The following ZBBX variants were observed in gnomAD, a reference collection of about 807,000 sequenced individuals.
ZBBX encodes the protein zinc finger B-box domain-containing protein 1.
In ZBBX, 101 loss-of-function variants were observed where a neutral mutation model predicts 108.5. The ratio of observed to expected loss-of-function variants is 0.93; its 90% CI spans 0.79 to 1.10. The LOEUF (loss-of-function observed/expected upper bound fraction) is 1.10, where lower values mean the gene tolerates loss of function less well. ZBBX is among the 50% of genes least tolerant of loss of function. The pLI is 0.00. For synonymous variants in ZBBX, 356 were observed against 323.4 expected (o/e 1.10, Z -1.08); for missense variants, 1,009 against 941.4 (o/e 1.07, Z -0.94).
rs543195110 is a variant in ZBBX, at chr3:167,239,982, A to G, written c.*811T>C. 2.0e-5 allele frequency among the ~76,000 whole-genome samples: 3 copies of G among 152,154 alleles called. No homozygotes were observed. The highest frequency in any genetic ancestry group is 7.2e-5 in the African/African-American group (3 of 41,538). ...AGAGAAGTCCTGAGCAAAAGGGGGG[A>G]CAGCCCCTTATAAAACCATCAGATC... On this transcript the variant is annotated 3_prime_UTR_variant, in exon 22 of 22. Coordinates refer to ENST00000675490, the MANE Select transcript of ZBBX (RefSeq NM_001199201.2).
chr3:167,265,620 T>TCACTGAC (rs1186496885), intron 20 of ZBBX, among the ~76,000 whole-genome samples: 2 of 152,190 alleles, frequency 1.3e-5, no homozygotes, highest in African/African-American at 4.8e-5. Flanking sequence ...CCATGCTTGT[T>TCACTGAC]CACTGACTCT....
At chr3:167,236,480 C>T (rs1199950322), downstream of ZBBX, among the ~76,000 whole-genome samples, 1 of 151,796 alleles carries the variant, frequency 6.6e-6, no homozygotes, top group Non-Finnish European at 1.5e-5. Context: ...ATTTGATTTT[C>T]AACAACGTTC....
intron 1 of ZBBX, among the ~76,000 whole-genome samples, chr3:167,404,983 T>A (rs922590375): frequency 2.0e-5 from 3 of 152,078 alleles, no homozygotes; most frequent in African/African-American, 7.2e-5. Context: ...TAGAAACTGG[T>A]CACTTAGATG....
chr3:167,398,284 A>G (rs995512933), intron 1 of ZBBX, among the ~76,000 whole-genome samples: 13 of 152,068 alleles, frequency 8.5e-5, no homozygotes, highest in African/African-American at 3.1e-4. Flanking sequence ...AGATAACTTG[A>G]CTTTAACTGT....
At chr3:167,259,650 C>T (rs1477574614) in intron 20 of ZBBX, among the ~76,000 whole-genome samples, 2 of 151,936 alleles carry the variant, frequency 1.3e-5, no homozygotes, top group Non-Finnish European at 2.9e-5. Context: ...TTTGCCTTAC[C>T]CCAGAGGTTT....
chr3:167,234,975 C>T (rs1008981237), downstream of ZBBX, among the ~76,000 whole-genome samples: 1 of 151,638 alleles, frequency 6.6e-6, no homozygotes, highest in Admixed American at 6.6e-5. Context: ...AAATAACCAA[C>T]AAAACAAATT....
chr3:167,213,765 A>T, the ZBBX span, among the ~76,000 whole-genome samples: 1 of 152,182 alleles, frequency 6.6e-6, no homozygotes. Context: ...AAAGAATGTT[A>T]TAAAGGCAGC....
chr3:167,391,878 A>C (rs898456506), intron 1 of ZBBX, among the ~76,000 whole-genome samples: 1 of 151,560 alleles, frequency 6.6e-6, no homozygotes, highest in African/African-American at 2.4e-5. Context: ...TCAAGTAAAT[A>C]TATATATAAA....
chr3:167,285,981 G>C (rs1729625226), intron 19 of ZBBX, among the ~76,000 whole-genome samples: 1 of 152,136 alleles, frequency 6.6e-6, no homozygotes, highest in African/African-American at 2.4e-5. Flanking sequence ...ATAAGATGAT[G>C]TTAAATAGTG....
intron 12 of ZBBX, among the ~76,000 whole-genome samples, chr3:167,320,631 T>G (rs983650233): frequency 1.3e-5 from 2 of 151,956 alleles, no homozygotes; most frequent in Non-Finnish European, 2.9e-5. Context: ...TATTTATCAA[T>G]TATAAAGGGA....
intron 1 of ZBBX, among the ~76,000 whole-genome samples, chr3:167,396,258 T>C (rs1748232624): frequency 6.6e-6 from 1 of 152,054 alleles, no homozygotes; most frequent in Non-Finnish European, 1.5e-5. Context: ...CAGCTACTCC[T>C]ACCTGGGTTC....
intron 14 of ZBBX, among the ~76,000 whole-genome samples, chr3:167,316,201 T>G (rs1329905502): frequency 2.0e-5 from 3 of 152,104 alleles, no homozygotes; most frequent in Non-Finnish European, 4.4e-5. Flanking sequence ...ATGTAGTGTG[T>G]GTGTTTTTGT....
chr3:167,262,158 G>T (rs1036561066), intron 20 of ZBBX, among the ~76,000 whole-genome samples: 4 of 151,800 alleles, frequency 2.6e-5, no homozygotes, highest in Non-Finnish European at 4.4e-5. Flanking sequence ...TGGAAGAGGG[G>T]GTCTCTCTTT....
chr3:167,301,255 A>G (rs1211279627), intron 17 of ZBBX, among the ~76,000 whole-genome samples: 1 of 152,224 alleles, frequency 6.6e-6, no homozygotes, highest in Non-Finnish European at 1.5e-5. Flanking sequence ...TATTGGTGCT[A>G]TGTAAGTCAC....
At chr3:167,223,741 C>G in the ZBBX span, among the ~76,000 whole-genome samples, 1 of 151,818 alleles carries the variant, frequency 6.6e-6, no homozygotes, top group African/African-American at 2.4e-5. Flanking sequence ...TATGTTTTTT[C>G]TGGTCCAGGT....
intron 1 of ZBBX, among the ~76,000 whole-genome samples, chr3:167,385,981 T>C (rs1747910822): frequency 6.6e-6 from 1 of 152,040 alleles, no homozygotes; most frequent in Non-Finnish European, 1.5e-5. Flanking sequence ...TTGGCAGCCA[T>C]GTTTCATTAT....
the ZBBX span, among the ~76,000 whole-genome samples, chr3:167,184,650 C>T: frequency 6.6e-6 from 1 of 152,156 alleles, no homozygotes; most frequent in Non-Finnish European, 1.5e-5. Context: ...AGATCCATCT[C>T]TGCTACCCAG....
At chr3:167,222,331 A>G in the ZBBX span, among the ~76,000 whole-genome samples, 2 of 151,924 alleles carry the variant, frequency 1.3e-5, no homozygotes, top group African/African-American at 4.8e-5. Context: ...TCTTATGTTC[A>G]CACTTATTTA....
At chr3:167,377,854 T>C (rs940373383) in intron 2 of ZBBX, among the ~76,000 whole-genome samples, 1 of 152,136 alleles carries the variant, frequency 6.6e-6, no homozygotes, top group Non-Finnish European at 1.5e-5. Context: ...CACCCAAATC[T>C]CATCTTGAAT....
Sources: gnomAD v4.1 joint callset for allele counts (sites outside exome capture counted in the v4.1 genomes callset) on GRCh38, gnomAD v4.1.1 for gene constraint, MANE v1.5 for transcripts, NCBI Gene and HGNC (gene_info 2026-07-23, HGNC 2026-07-21) for gene names.